Variants in PPP2R2B observed in about 807,000 individuals in gnomAD.
The protein encoded by PPP2R2B is protein phosphatase 2 regulatory subunit Bbeta.
A neutral mutation model predicts 46.0 loss-of-function variants in PPP2R2B; 5 were observed. The ratio of observed to expected loss-of-function variants is 0.11; its 90% CI spans 0.06 to 0.23. The LOEUF (loss-of-function observed/expected upper bound fraction) is 0.23, where lower values mean the gene tolerates loss of function less well. Among genes scored for constraint, PPP2R2B ranks in the 10% least tolerant of loss-of-function variants. The probability of loss-of-function intolerance (pLI) is 1.00; values close to 1 mark genes in which losing one functional copy is unlikely to be tolerated. For missense variants in PPP2R2B, 367 were observed against 575.0 expected (o/e 0.64, Z 3.70); for synonymous variants, 215 against 206.7 (o/e 1.04, Z -0.34).
At chr5:146,853,361 A>G (rs1027231772) in intron 2 of PPP2R2B, among the ~76,000 whole-genome samples, 12 of 152,162 alleles carry the variant, frequency 7.9e-5, no homozygotes, top group African/African-American at 1.4e-4. Flanking sequence ...CTTTTAATCC[A>G]TTATCCTGCT....
intron 5 of PPP2R2B, among the ~76,000 whole-genome samples, chr5:146,676,641 T>C (rs1463446003): frequency 1.3e-5 from 2 of 152,152 alleles, no homozygotes; most frequent in Admixed American, 1.3e-4. Flanking sequence ...ACCTTTCCTC[T>C]AGAGGCCCCA....
At chr5:146,829,367 C>A (rs1339489960) in intron 2 of PPP2R2B, among the ~76,000 whole-genome samples, 1 of 152,110 alleles carries the variant, frequency 6.6e-6, no homozygotes, top group Non-Finnish European at 1.5e-5. Flanking sequence ...GGGTTATATG[C>A]TTAAGCATAG....
rs1315546292 is a variant in PPP2R2B at position 146,613,948 on chromosome 5, G to A, written c.791-13488C>T. ...GCCCAAGGTAATTTACAGATTCAAT[G>A]CCATCCCCATCAAGCTACCAATGAC... On this transcript the variant is annotated intron_variant, in intron 7 of 9. Coordinates refer to ENST00000394411, the MANE Select transcript of PPP2R2B (RefSeq NM_181675.4). 5.8e-5 allele frequency among the ~76,000 whole-genome samples: 7 copies of A among 119,906 alleles called. No homozygotes were observed. The Admixed American group carries it at 6.0e-4, about 10-fold the overall frequency. The allele number at this position is 119,906 out of a possible 152,430, so 78.7% of individuals were successfully genotyped here.
chr5:146,713,689 T>C (rs1780330059), intron 2 of PPP2R2B, among the ~76,000 whole-genome samples: 1 of 152,156 alleles, frequency 6.6e-6, no homozygotes, highest in Non-Finnish European at 1.5e-5. Flanking sequence ...AAAGTTGACC[T>C]GTGAGGATTT....
chr5:147,001,405 G>A (rs931997120), intron 1 of PPP2R2B, among the ~76,000 whole-genome samples: 5 of 151,348 alleles, frequency 3.3e-5, no homozygotes, highest in Admixed American at 6.6e-5. Flanking sequence ...CTCCAGACAC[G>A]CCATCTTTAA....
At chr5:147,035,104 A>G (rs764445158) in intron 1 of PPP2R2B, 2 of 455,818 alleles carry the variant, frequency 4.4e-6, no homozygotes, top group Non-Finnish European at 4.4e-6. Context: ...TCGTTCTCAC[A>G]CAGCTATTGT....
At chr5:146,909,193 C>CT (rs1763100601) in intron 1 of PPP2R2B, among the ~76,000 whole-genome samples, 1 of 152,188 alleles carries the variant, frequency 6.6e-6, no homozygotes, top group Admixed American at 6.5e-5. Context: ...AATTAAGAGA[C>CT]TAACTAGGGG....
chr5:146,740,363 C>T (rs1007399549), intron 2 of PPP2R2B, among the ~76,000 whole-genome samples: 1 of 152,080 alleles, frequency 6.6e-6, no homozygotes, highest in African/African-American at 2.4e-5. Flanking sequence ...ATAGTTAACC[C>T]AGTCTTTAAA....
At chr5:146,680,345 T>C (rs1778068281) in intron 5 of PPP2R2B, among the ~76,000 whole-genome samples, 1 of 142,646 alleles carries the variant, frequency 7.0e-6, no homozygotes, top group Non-Finnish European at 1.5e-5. Flanking sequence ...AATTGGACAA[T>C]GAGATCACGT....
intron 5 of PPP2R2B, among the ~76,000 whole-genome samples, chr5:146,685,748 TGAGTGTCCTGTGCTGACAGGA>T (rs1343413610): frequency 1.4e-4 from 21 of 152,240 alleles, no homozygotes; most frequent in African/African-American, 4.6e-4. Context: ...CATGAGACTG[TGAGTGTCCTGTGCTGACAGGA>T]GGACAGAAAC....
intron 2 of PPP2R2B, among the ~76,000 whole-genome samples, chr5:147,064,256 G>A (rs1416742077): frequency 6.6e-6 from 1 of 152,110 alleles, no homozygotes; most frequent in East Asian, 1.9e-4. Context: ...TTTATGGCAG[G>A]GTTTCTCAAC....
intron 1 of PPP2R2B, among the ~76,000 whole-genome samples, chr5:146,957,163 C>T (rs1285189196): frequency 6.6e-6 from 1 of 152,144 alleles, no homozygotes; most frequent in Non-Finnish European, 1.5e-5. Context: ...ATGTGTGTTG[C>T]CATCTGGAGC....
intron 2 of PPP2R2B, among the ~76,000 whole-genome samples, chr5:146,760,730 G>T (rs552125008): frequency 3.9e-5 from 6 of 152,214 alleles, no homozygotes; most frequent in African/African-American, 1.2e-4. Flanking sequence ...GCTGAGGGGA[G>T]GGGTGCTTTT....
chr5:147,063,347 T>G (rs1342787053), intron 2 of PPP2R2B, among the ~76,000 whole-genome samples: 2 of 152,052 alleles, frequency 1.3e-5, no homozygotes, highest in Non-Finnish European at 2.9e-5. Flanking sequence ...CAGCTAAAAT[T>G]CACTCTTTCT....
At chr5:146,886,729 G>T (rs1439943867) in intron 1 of PPP2R2B, among the ~76,000 whole-genome samples, 1 of 151,982 alleles carries the variant, frequency 6.6e-6, no homozygotes, top group South Asian at 2.1e-4. Context: ...ATTAGCAATG[G>T]TTATGCGTAG....
At chr5:146,966,444 G>A (rs1268366123) in intron 1 of PPP2R2B, among the ~76,000 whole-genome samples, 2 of 152,242 alleles carry the variant, frequency 1.3e-5, no homozygotes, top group Middle Eastern at 3.4e-3. Flanking sequence ...CTGACACAAA[G>A]ACCTGAGAAC....
Position 146,984,409 on chromosome 5 carries a change from A to G in PPP2R2B, c.79+71256T>C, listed in dbSNP as rs1326868231. On this transcript the variant is annotated intron_variant, in intron 1 of 8. Coordinates refer to the PPP2R2B transcript ENST00000336640. Reference sequence around the variant, plus strand: ...AGTTCCATCTATGTTGTCACAAATGATACTTTTCTTCTTTTTATAGACTAA... The same window carrying G: ...AGTTCCATCTATGTTGTCACAAATGGTACTTTTCTTCTTTTTATAGACTAA... 3.3e-5 allele frequency among the ~76,000 whole-genome samples: 5 copies of G among 152,186 alleles called. No individual in the cohort carries two copies. The East Asian group carries it at 9.6e-4, about 29-fold the overall frequency.
At chr5:147,059,434 T>C (rs1222471151), upstream of PPP2R2B, among the ~76,000 whole-genome samples, 1 of 152,158 alleles carries the variant, frequency 6.6e-6, no homozygotes, top group Non-Finnish European at 1.5e-5. Context: ...CGGATATACC[T>C]AGTGTCATCA....
At chr5:146,691,057 C>T in intron 5 of PPP2R2B, 71 bp downstream of exon 5, 1 of 1,361,874 alleles carries the variant, frequency 7.3e-7, no homozygotes, top group Non-Finnish European at 1.0e-6. Context: ...CCTACAGTAA[C>T]AACCAGCACA....
Sources: allele counts gnomAD v4.1 joint callset (sites outside exome capture counted in the v4.1 genomes callset), GRCh38; gene constraint gnomAD v4.1.1; transcripts MANE v1.5; gene names NCBI Gene and HGNC (gene_info 2026-07-23, HGNC 2026-07-21).